MAF: variants seen among roughly 807,000 people sequenced by gnomAD.
MAF encodes the protein MAF bZIP transcription factor, also known as transcription factor Maf.
Under a neutral mutation model 22.0 loss-of-function variants are expected in MAF, and 10 were observed. The ratio of observed to expected loss-of-function variants is 0.45; its 90% CI spans 0.28 to 0.77. The LOEUF (loss-of-function observed/expected upper bound fraction) is 0.77. Ranked by LOEUF, MAF falls within the 30% of genes least tolerant of loss-of-function variation. The probability of loss-of-function intolerance (pLI) is 0.12; values close to 1 mark genes in which losing one functional copy is unlikely to be tolerated. For synonymous variants in MAF, 337 were observed against 255.8 expected (o/e 1.32, Z -3.03); for missense variants, 544 against 548.4 (o/e 0.99, Z 0.08).
At chr16:79,210,011 A>G in the MAF span, among the ~76,000 whole-genome samples, 32 of 152,350 alleles carry the variant, frequency 2.1e-4, no homozygotes, top group Admixed American at 2.1e-3. Flanking sequence ...TGGGGAGGTA[A>G]CAAACCAGCT....
the MAF span, among the ~76,000 whole-genome samples, chr16:79,445,157 C>A: frequency 2.0e-5 from 3 of 152,124 alleles, no homozygotes; most frequent in African/African-American, 7.2e-5. Context: ...CCTCAGCCCC[C>A]TGAGCAGCTG....
chr16:79,379,218 T>C, the MAF span, among the ~76,000 whole-genome samples: 2 of 152,204 alleles, frequency 1.3e-5, no homozygotes, highest in African/African-American at 2.4e-5. Flanking sequence ...TCAACCCTAA[T>C]AGATTGGTTG....
the MAF span, among the ~76,000 whole-genome samples, chr16:79,511,327 C>T: frequency 6.6e-6 from 1 of 151,792 alleles, no homozygotes; most frequent in Admixed American, 6.6e-5. Flanking sequence ...TTTTAAAATA[C>T]TAGTATTTGT....
At chr16:79,313,408 C>G in the MAF span, among the ~76,000 whole-genome samples, 5 of 152,116 alleles carry the variant, frequency 3.3e-5, no homozygotes, top group African/African-American at 1.2e-4. Context: ...CAGTAAAAGG[C>G]CAGTCATGAC....
At chr16:79,351,040 C>T in the MAF span, among the ~76,000 whole-genome samples, 60 of 152,102 alleles carry the variant, frequency 3.9e-4, no homozygotes, top group African/African-American at 6.5e-4. Flanking sequence ...GGCCACTTCC[C>T]GGGGAAGCCT....
the MAF span, among the ~76,000 whole-genome samples, chr16:79,455,569 A>G: frequency 6.6e-6 from 1 of 152,176 alleles, no homozygotes; most frequent in African/African-American, 2.4e-5. Context: ...TTCCAAATTT[A>G]CCAGTAAATA....
the MAF span, among the ~76,000 whole-genome samples, chr16:79,478,892 C>A: frequency 6.6e-6 from 1 of 152,072 alleles, no homozygotes; most frequent in Non-Finnish European, 1.5e-5. Flanking sequence ...TGCATCTGTG[C>A]ACCACTCCAG....
chr16:79,211,028 G>C, the MAF span, among the ~76,000 whole-genome samples: 2 of 57,096 alleles, frequency 3.5e-5, no homozygotes, highest in East Asian at 3.8e-4. Flanking sequence ...TGAATGTATG[G>C]TGAGGAGTGT....
At chr16:79,319,882 G>A in the MAF span, among the ~76,000 whole-genome samples, 2 of 152,190 alleles carry the variant, frequency 1.3e-5, no homozygotes, top group Non-Finnish European at 2.9e-5. Context: ...GAGGTTAGGC[G>A]ACTGTTTGAT....
chr16:79,596,562 A>G, intron 1 of MAF: 5 of 1,049,102 alleles, frequency 4.8e-6, no homozygotes, highest in Non-Finnish European at 5.8e-6. Context: ...GCACATAGGA[A>G]CAACACGCGT....
At chr16:79,598,455 T>TGA in intron 1 of MAF, 1 of 1,086,880 alleles carries the variant, frequency 9.2e-7, no homozygotes, top group Non-Finnish European at 1.1e-6. Flanking sequence ...CGGGGGGGTG[T>TGA]AAAAAAAAAA....
At chr16:79,330,286 G>T in the MAF span, among the ~76,000 whole-genome samples, 1 of 152,140 alleles carries the variant, frequency 6.6e-6, no homozygotes, top group African/African-American at 2.4e-5. Context: ...ATGTGTATGT[G>T]GTAGATATGT....
At chr16:79,211,353 C>G in the MAF span, among the ~76,000 whole-genome samples, 1 of 152,142 alleles carries the variant, frequency 6.6e-6, no homozygotes, top group Non-Finnish European at 1.5e-5. Flanking sequence ...ATTTATTTTC[C>G]AAGCCTGTCC....
At chr16:79,246,040 T>C in the MAF span, among the ~76,000 whole-genome samples, 370 of 150,946 alleles carry the variant, frequency 2.5e-3, no homozygotes, top group Admixed American at 3.4e-3. Context: ...GGGAACATCA[T>C]ATACCAGGGC....
At chr16:79,488,324 G>C in the MAF span, among the ~76,000 whole-genome samples, 1 of 152,170 alleles carries the variant, frequency 6.6e-6, no homozygotes, top group Non-Finnish European at 1.5e-5. Flanking sequence ...GTCCAGAAAT[G>C]TTAGGTCCTC....
At chr16:79,368,203 G>A in the MAF span, among the ~76,000 whole-genome samples, 29 of 152,274 alleles carry the variant, frequency 1.9e-4, no homozygotes, top group Middle Eastern at 6.8e-3. Context: ...CATCGCGTCT[G>A]GGAGCTGATG....
the MAF span, among the ~76,000 whole-genome samples, chr16:79,570,825 A>G: frequency 2.6e-5 from 4 of 152,326 alleles, no homozygotes; most frequent in Middle Eastern, 0.01. Flanking sequence ...CAATCCAGCA[A>G]ACATTTACTG....
At chr16:79,521,161 T>C in the MAF span, among the ~76,000 whole-genome samples, 1 of 152,226 alleles carries the variant, frequency 6.6e-6, no homozygotes, top group Non-Finnish European at 1.5e-5. Context: ...GCAGTTAAAG[T>C]GAACATCTTA....
chr16:79,597,149 C>A, intron 1 of MAF: 2 of 1,056,764 alleles, frequency 1.9e-6, no homozygotes, highest in East Asian at 5.3e-5. Flanking sequence ...GCAAACTCTA[C>A]CCCCCTTAAC....
Sources: gnomAD v4.1 joint callset for allele counts (sites outside exome capture counted in the v4.1 genomes callset) on GRCh38, gnomAD v4.1.1 for gene constraint, MANE v1.5 for transcripts, NCBI Gene and HGNC (gene_info 2026-07-23, HGNC 2026-07-21) for gene names.